LRMDA: variants seen among roughly 807,000 people sequenced by gnomAD.
LRMDA encodes the protein leucine rich melanocyte differentiation associated, also known as leucine-rich melanocyte differentiation-associated protein.
In LRMDA, 18 loss-of-function variants were observed where a neutral mutation model predicts 29.8. The ratio of observed to expected loss-of-function variants is 0.60; its 90% CI spans 0.42 to 0.90. LRMDA has a LOEUF of 0.90. Ranked by LOEUF, LRMDA falls within the 40% of genes least tolerant of loss-of-function variation. The probability of loss-of-function intolerance (pLI) is 0.00; values close to 1 mark genes in which losing one functional copy is unlikely to be tolerated. For synonymous variants in LRMDA, 125 were observed against 109.4 expected, an observed-to-expected ratio of 1.14 and a Z score of -0.89; for missense variants, 273 against 273.9, an observed-to-expected ratio of 1.00 and a Z score of 0.02.
intron 2 of LRMDA, among the ~76,000 whole-genome samples, chr10:75,717,150 A>T (rs1381660573): frequency 1.3e-5 from 2 of 152,186 alleles, no homozygotes; most frequent in African/African-American, 4.8e-5. Context: ...GGCTCAGAGG[A>T]GGAAAATATT....
At chr10:76,065,765 G>A (rs968837417) in intron 5 of LRMDA, among the ~76,000 whole-genome samples, 3 of 152,220 alleles carry the variant, frequency 2.0e-5, no homozygotes, top group African/African-American at 7.2e-5. Context: ...CCCCATCTAA[G>A]GGAGGAATAC....
chr10:75,952,438 T>A (rs1296899578), intron 2 of LRMDA, among the ~76,000 whole-genome samples: 3 of 152,186 alleles, frequency 2.0e-5, no homozygotes, highest in Non-Finnish European at 4.4e-5. Context: ...ATTTTGGAGA[T>A]AAGTGTTGAA....
chr10:75,434,513 A>C (rs989480139), intron 1 of LRMDA, among the ~76,000 whole-genome samples: 2 of 152,246 alleles, frequency 1.3e-5, no homozygotes, highest in African/African-American at 4.8e-5. Flanking sequence ...CACAGCTAGC[A>C]GTGGCAGTAC....
At chr10:76,291,585 G>C (rs1269886292) in intron 5 of LRMDA, among the ~76,000 whole-genome samples, 1 of 152,136 alleles carries the variant, frequency 6.6e-6, no homozygotes, top group Non-Finnish European at 1.5e-5. Flanking sequence ...ATACCTTAAT[G>C]ATCAGTCAGG....
At chr10:76,033,377 G>T (rs1289200184) in intron 2 of LRMDA, among the ~76,000 whole-genome samples, 1 of 152,158 alleles carries the variant, frequency 6.6e-6, no homozygotes, top group Non-Finnish European at 1.5e-5. Context: ...CAGGTGACAG[G>T]GGATTTGAGA....
intron 2 of LRMDA, among the ~76,000 whole-genome samples, chr10:75,871,934 AT>A (rs1845118628): frequency 6.6e-6 from 1 of 152,218 alleles, no homozygotes; most frequent in African/African-American, 2.4e-5. Context: ...GCAAATGTAT[AT>A]TTTTAGTGAG....
chr10:76,117,733 A>T (rs1285103175), intron 5 of LRMDA, among the ~76,000 whole-genome samples: 1 of 152,222 alleles, frequency 6.6e-6, no homozygotes, highest in African/African-American at 2.4e-5. Flanking sequence ...CTGTGAGCTG[A>T]TAGAAAAATT....
At chr10:75,616,282 C>CAGTAGT (rs981273326) in intron 2 of LRMDA, among the ~76,000 whole-genome samples, 3 of 151,082 alleles carry the variant, frequency 2.0e-5, no homozygotes, top group South Asian at 4.2e-4. Flanking sequence ...GCAGCAGCAG[C>CAGTAGT]AGTAGTAGTA....
At chr10:75,982,265 T>C (rs987182029) in intron 2 of LRMDA, among the ~76,000 whole-genome samples, 6 of 152,174 alleles carry the variant, frequency 3.9e-5, no homozygotes, top group African/African-American at 7.2e-5. Context: ...GCTGAACTGA[T>C]TGGGGTTTTC....
chr10:75,740,943 A>T (rs1009949523), intron 2 of LRMDA, among the ~76,000 whole-genome samples: 3 of 152,034 alleles, frequency 2.0e-5, no homozygotes, highest in African/African-American at 7.3e-5. Flanking sequence ...AATTTATGTT[A>T]ATCAGGATAA....
At chr10:75,935,105 C>G (rs371415497) in intron 2 of LRMDA, among the ~76,000 whole-genome samples, 7 of 152,290 alleles carry the variant, frequency 4.6e-5, no homozygotes, top group South Asian at 2.1e-4. Context: ...AAACAAGAAT[C>G]CTTTTTCTTT....
intron 2 of LRMDA, among the ~76,000 whole-genome samples, chr10:75,886,647 T>C (rs983056104): frequency 6.6e-6 from 1 of 152,216 alleles, no homozygotes; most frequent in Non-Finnish European, 1.5e-5. Context: ...TATTTAAAAC[T>C]AGCTAGTCTT....
At chr10:75,769,574 G>A (rs1005149860) in intron 2 of LRMDA, among the ~76,000 whole-genome samples, 1 of 151,940 alleles carries the variant, frequency 6.6e-6, no homozygotes, top group African/African-American at 2.4e-5. Context: ...TGGTGGGGGT[G>A]GTGGTAAAGG....
chr10:75,845,837 A>T (rs1844625800), intron 2 of LRMDA, among the ~76,000 whole-genome samples: 1 of 152,200 alleles, frequency 6.6e-6, no homozygotes. Flanking sequence ...TAAAAGAACC[A>T]CATGGGGGCA....
chr10:76,503,349 G>T (rs1417428300), intron 6 of LRMDA, among the ~76,000 whole-genome samples: 1 of 151,874 alleles, frequency 6.6e-6, no homozygotes, highest in East Asian at 1.9e-4. Flanking sequence ...AATGAGTAAG[G>T]GAGGAGCCCC....
intron 6 of LRMDA, among the ~76,000 whole-genome samples, chr10:76,414,644 A>C (rs543193550): frequency 6.6e-6 from 1 of 152,362 alleles, no homozygotes; most frequent in Admixed American, 6.5e-5. Flanking sequence ...AGACTCAAGC[A>C]ACAGAGAAAA....
At chr10:76,382,475 C>G (rs1278880690) in intron 6 of LRMDA, among the ~76,000 whole-genome samples, 1 of 152,082 alleles carries the variant, frequency 6.6e-6, no homozygotes, top group African/African-American at 2.4e-5. Flanking sequence ...TGAGAACCTG[C>G]TGAAAGGGAA....
chr10:76,263,708 A>C (rs1589400449), intron 5 of LRMDA, among the ~76,000 whole-genome samples: 1 of 152,194 alleles, frequency 6.6e-6, no homozygotes, highest in Non-Finnish European at 1.5e-5. Flanking sequence ...TAGGAGCAAG[A>C]ATAATATGTA....
chr10:76,064,818 A>G (rs1848757498), intron 5 of LRMDA, among the ~76,000 whole-genome samples: 1 of 152,250 alleles, frequency 6.6e-6, no homozygotes, highest in African/African-American at 2.4e-5. Flanking sequence ...CCATCAGCCA[A>G]TATATTTTGA....
Sources: allele counts gnomAD v4.1 joint callset (sites outside exome capture counted in the v4.1 genomes callset), GRCh38; gene constraint gnomAD v4.1.1; transcripts MANE v1.5; gene names NCBI Gene and HGNC (gene_info 2026-07-23, HGNC 2026-07-21).